Variants in MTARC1 observed in about 807,000 individuals in gnomAD.
MTARC1 encodes the protein mitochondrial amidoxime reducing component 1, also known as mitochondrial amidoxime-reducing component 1.
MTARC1 carries 24 observed loss-of-function variants against 33.6 expected under a neutral mutation model. That is an observed-to-expected ratio of 0.72 (90% CI 0.52 to 1.01). The LOEUF (loss-of-function observed/expected upper bound fraction) is 1.01, where lower values mean the gene tolerates loss of function less well. MTARC1 is among the 50% of genes least tolerant of loss of function. The pLI is 0.00. For missense variants in MTARC1, 417 were observed against 445.7 expected (o/e 0.94, Z 0.58); for synonymous variants, 187 against 189.5 (o/e 0.99, Z 0.11).
At chr1:220,796,835 A>C (rs1323779586) in intron 3 of MTARC1, 30 bp downstream of exon 3, 1 of 1,569,330 alleles carries the variant, frequency 6.4e-7, no homozygotes. Context: ...CCATGGGTAG[A>C]AAGCAGTCAC....
At chr1:220,811,743 C>G (rs994978279) in intron 6 of MTARC1, among the ~76,000 whole-genome samples, 3 of 152,230 alleles carry the variant, frequency 2.0e-5, no homozygotes, top group Non-Finnish European at 4.4e-5. Context: ...TCCCACACAT[C>G]TGCTCATGTA....
At position 220,819,303 on chromosome 1, in the gene MTARC1, A is replaced by G. The variant is rs1298621947; in HGVS notation, c.*5885A>G. ...ATTTTAACAACCATAATCTGCCCTC[A>G]GTCATCATAAATATAAATGTATTGG... On this transcript the variant is annotated 3_prime_UTR_variant, in exon 7 of 7. Coordinates refer to ENST00000366910, the MANE Select transcript of MTARC1 (RefSeq NM_022746.4). The G allele has an allele frequency of 6.6e-6, 1 of 152,232 alleles. No individual in the cohort carries two copies. Among genetic ancestry groups the G allele is most frequent in the Non-Finnish European group, 1.5e-5 (1 of 68,046 alleles). The allele number at this position is 152,232 out of a possible 1,614,324, so 9.4% of individuals were successfully genotyped here. A position where few individuals can be genotyped will look rare whatever the true frequency, so the allele number is the denominator to read the frequency against.
At chr1:220,808,861 A>G (rs1175267225) in intron 6 of MTARC1, 1 of 471,154 alleles carries the variant, frequency 2.1e-6, no homozygotes, top group South Asian at 1.5e-5. Flanking sequence ...TTCTTAAGGG[A>G]AAGTGACGTA....
intron 6 of MTARC1, among the ~76,000 whole-genome samples, chr1:220,811,105 C>T (rs1356184650): frequency 6.6e-6 from 1 of 152,152 alleles, no homozygotes; most frequent in East Asian, 1.9e-4. Context: ...AACGGAAACA[C>T]CCATACAAGC....
At chr1:220,802,490 C>A (rs1488530140) in intron 4 of MTARC1, among the ~76,000 whole-genome samples, 3 of 152,202 alleles carry the variant, frequency 2.0e-5, no homozygotes, top group Non-Finnish European at 4.4e-5. Context: ...CGCCACCATG[C>A]CTGGCTAGTT....
At position 220,798,440 on chromosome 1, in the gene MTARC1, G is replaced by A. The variant is rs72472303; in HGVS notation, c.753+426G>A. On this transcript the variant is annotated intron_variant, in intron 4 of 6. Transcript: ENST00000366910. Reference sequence around the variant, plus strand: ...ACTGCAAGGCTGCTGGGTGAGGGTTGGGAGAGGTTGTTGCCCCTAAGCTTC... The same window carrying A: ...ACTGCAAGGCTGCTGGGTGAGGGTTAGGAGAGGTTGTTGCCCCTAAGCTTC... The A allele has an allele frequency of 1.1e-3, 1,080 of 985,412 alleles. 7 individuals are homozygous for A. In the African/African-American group the frequency reaches 0.017, roughly 16 times the overall value. 61.0% of individuals were successfully genotyped at this position (985,412 alleles called of 1,614,324 possible). A position where few individuals can be genotyped will look rare whatever the true frequency, so the allele number is the denominator to read the frequency against.
chr1:220,816,327 T>A lies in MTARC1; in HGVS notation c.*2909T>A, dbSNP rs948358201. 4 of 152,204 alleles carry A rather than the reference T, an allele frequency of 2.6e-5. No individual in the cohort carries two copies. Among genetic ancestry groups the A allele is most frequent in the Non-Finnish European group, 4.4e-5 (3 of 68,044 alleles). 9.4% of individuals were successfully genotyped at this position (152,204 alleles called of 1,614,324 possible). ...GCAACCCATGATGGTGGAGAACAGA[T>A]ACATTAAAGTTCCTTGAAAATGACA... On this transcript the variant is annotated 3_prime_UTR_variant, in exon 7 of 7. Transcript: ENST00000366910.
intron 1 of MTARC1, among the ~76,000 whole-genome samples, chr1:220,788,793 G>C (rs1672323120): frequency 1.7e-5 from 1 of 59,400 alleles, no homozygotes; most frequent in Admixed American, 1.6e-4. Flanking sequence ...GTGAGACTAA[G>C]TCTCAAAAAA....
chr1:220,791,248 G>T, intron 1 of MTARC1: 1 of 373,684 alleles, frequency 2.7e-6, no homozygotes, highest in Non-Finnish European at 4.9e-6. Context: ...CCATCAAAGA[G>T]CTCAAACTGT....
intron 6 of MTARC1, 110 bp from the exon 7 acceptor site, chr1:220,813,182 T>C (rs546858415): frequency 4.2e-6 from 6 of 1,432,782 alleles, no homozygotes; most frequent in African/African-American, 1.4e-5. Flanking sequence ...GACGGGATGG[T>C]GCCCTCTCGA....
At chr1:220,795,034 A>G (rs970020201) in intron 2 of MTARC1, among the ~76,000 whole-genome samples, 2 of 152,218 alleles carry the variant, frequency 1.3e-5, no homozygotes, top group Non-Finnish European at 2.9e-5. Flanking sequence ...ACAATTATAT[A>G]GGATACTATA....
At chr1:220,798,307 A>T in intron 4 of MTARC1, 2 of 1,295,068 alleles carry the variant, frequency 1.5e-6, no homozygotes, top group Non-Finnish European at 2.0e-6. Flanking sequence ...TCTTGCATAG[A>T]CTACATGATC....
intron 4 of MTARC1, among the ~76,000 whole-genome samples, chr1:220,803,234 C>A (rs780382238): frequency 1.3e-5 from 2 of 152,096 alleles, no homozygotes; most frequent in Non-Finnish European, 1.5e-5. Context: ...GGGAACTGCC[C>A]TTTATAAAAC....
At chr1:220,795,818 T>G (rs1283141228) in intron 2 of MTARC1, among the ~76,000 whole-genome samples, 2 of 152,208 alleles carry the variant, frequency 1.3e-5, no homozygotes, top group Non-Finnish European at 2.9e-5. Context: ...GATTATCAAG[T>G]GTTGCTAAAA....
intron 4 of MTARC1, among the ~76,000 whole-genome samples, chr1:220,804,640 C>T (rs1238939479): frequency 6.6e-6 from 1 of 152,164 alleles, no homozygotes; most frequent in East Asian, 1.9e-4. Flanking sequence ...CATATAACTT[C>T]AGGCAGGCAC....
intron 4 of MTARC1, among the ~76,000 whole-genome samples, chr1:220,800,910 C>T (rs967779860): frequency 2.0e-5 from 3 of 152,098 alleles, no homozygotes; most frequent in Non-Finnish European, 4.4e-5. Context: ...CCCCACTCCC[C>T]TCTCTGCCCG....
intron 6 of MTARC1, among the ~76,000 whole-genome samples, chr1:220,808,427 A>T (rs972272066): frequency 3.3e-5 from 5 of 152,246 alleles, no homozygotes; most frequent in African/African-American, 1.2e-4. Flanking sequence ...TCTTACTGAG[A>T]TTTAAATTGC....
At chr1:220,797,835 G>T (rs1222728923) in intron 3 of MTARC1, 39 bp from the exon 4 acceptor site, 2 of 1,601,744 alleles carry the variant, frequency 1.2e-6, no homozygotes, top group African/African-American at 2.7e-5. Context: ...TGAAAAGTTG[G>T]TGTGCCATGT....
At chr1:220,794,676 T>C (rs1435375252) in intron 2 of MTARC1, among the ~76,000 whole-genome samples, 1 of 152,202 alleles carries the variant, frequency 6.6e-6, no homozygotes, top group East Asian at 1.9e-4. Context: ...TAAATTTGGG[T>C]ATGTTTATTT....
Sources: gnomAD v4.1 joint callset for allele counts (sites outside exome capture counted in the v4.1 genomes callset) on GRCh38, gnomAD v4.1.1 for gene constraint, MANE v1.5 for transcripts, NCBI Gene and HGNC (gene_info 2026-07-23, HGNC 2026-07-21) for gene names.